The following CSMD1 variants were observed in gnomAD, a reference collection of about 807,000 sequenced individuals.
CSMD1 encodes CUB and sushi domain-containing protein 1.
CSMD1 carries 213 observed loss-of-function variants against 417.5 expected under a neutral mutation model. The observed-to-expected ratio is 0.51, with a 90% confidence interval of 0.46 to 0.57. CSMD1 has a LOEUF of 0.57. Among genes scored for constraint, CSMD1 ranks in the 20% least tolerant of loss-of-function variants. The probability of loss-of-function intolerance (pLI) is 0.00; values close to 1 mark genes in which losing one functional copy is unlikely to be tolerated. For missense variants in CSMD1, 6,923 were observed against 4,529.7 expected (o/e 1.53, Z -15.17); for synonymous variants, 2,862 against 1,736.8 (o/e 1.65, Z -16.11).
chr8:4,157,025 G>A (rs1424723603), intron 3 of CSMD1, among the ~76,000 whole-genome samples: 1 of 152,142 alleles, frequency 6.6e-6, no homozygotes, highest in Non-Finnish European at 1.5e-5. Context: ...CAGGCATTGA[G>A]GGGCATGTTA....
chr8:3,971,473 C>A (rs940980642), intron 5 of CSMD1, among the ~76,000 whole-genome samples: 1 of 152,070 alleles, frequency 6.6e-6, no homozygotes, highest in Non-Finnish European at 1.5e-5. Flanking sequence ...TGCAAGTTGA[C>A]AACTTTAAAA....
chr8:3,315,457 TGTG>T (rs1156642811), intron 23 of CSMD1, among the ~76,000 whole-genome samples: 20 of 151,900 alleles, frequency 1.3e-4, no homozygotes, highest in African/African-American at 4.8e-4. Context: ...TGTGTGTGTG[TGTG>T]TGATTTTTAA....
At chr8:4,480,054 G>A (rs546253283) in intron 2 of CSMD1, among the ~76,000 whole-genome samples, 4 of 151,880 alleles carry the variant, frequency 2.6e-5, no homozygotes, top group Non-Finnish European at 4.4e-5. Context: ...GGAGAATGTG[G>A]TCGTGAGTTC....
At chr8:2,941,716 A>G (rs1270516812) in intron 69 of CSMD1, among the ~76,000 whole-genome samples, 5 of 152,224 alleles carry the variant, frequency 3.3e-5, no homozygotes, top group Non-Finnish European at 7.3e-5. Context: ...CTTTTTCAAG[A>G]GATGGAACAT....
At chr8:4,045,141 C>A (rs1798084364) in intron 3 of CSMD1, among the ~76,000 whole-genome samples, 1 of 152,156 alleles carries the variant, frequency 6.6e-6, no homozygotes, top group African/African-American at 2.4e-5. Context: ...GCCCTCCCAC[C>A]TGCAGCGGCC....
intron 3 of CSMD1, among the ~76,000 whole-genome samples, chr8:4,129,930 A>G (rs929143922): frequency 6.6e-6 from 1 of 152,150 alleles, no homozygotes; most frequent in African/African-American, 2.4e-5. Flanking sequence ...TAACAATTAT[A>G]TATTTAAGTT....
intron 3 of CSMD1, among the ~76,000 whole-genome samples, chr8:4,253,559 A>C (rs556170146): frequency 6.6e-6 from 1 of 152,212 alleles, no homozygotes; most frequent in African/African-American, 2.4e-5. Flanking sequence ...CTTGGAGAAC[A>C]TTTGATCTGG....
chr8:4,133,794 G>C (rs749619394), intron 3 of CSMD1, among the ~76,000 whole-genome samples: 3 of 151,906 alleles, frequency 2.0e-5, no homozygotes, highest in Non-Finnish European at 2.9e-5. Flanking sequence ...CTTATCTATA[G>C]CCATGCCACT....
chr8:4,764,904 C>CAACAACAA (rs1554473698), intron 1 of CSMD1, among the ~76,000 whole-genome samples: 2 of 122,654 alleles, frequency 1.6e-5, no homozygotes, highest in African/African-American at 6.4e-5. Context: ...ACAACAACAA[C>CAACAACAA]AAAAAAAAAC....
chr8:3,979,256 G>C (rs1159845246), intron 5 of CSMD1, among the ~76,000 whole-genome samples: 2 of 152,280 alleles, frequency 1.3e-5, no homozygotes, highest in East Asian at 1.9e-4. Flanking sequence ...GCATCTTTTT[G>C]TTTTGGGAGC....
At chr8:4,242,336 A>C (rs562500277) in intron 3 of CSMD1, among the ~76,000 whole-genome samples, 3 of 152,166 alleles carry the variant, frequency 2.0e-5, no homozygotes, top group African/African-American at 7.2e-5. Context: ...GTAAACATGA[A>C]AATTTGCAAC....
intron 3 of CSMD1, among the ~76,000 whole-genome samples, chr8:4,418,213 A>G (rs17070221): frequency 6.6e-6 from 1 of 151,958 alleles, no homozygotes; most frequent in African/African-American, 2.4e-5. Flanking sequence ...AATACCACAA[A>G]ATCATTTTCT....
intron 2 of CSMD1, among the ~76,000 whole-genome samples, chr8:4,558,566 T>C (rs1798192197): frequency 6.6e-6 from 1 of 152,090 alleles, no homozygotes; most frequent in South Asian, 2.1e-4. Flanking sequence ...CACTAGTCCC[T>C]AATAAACAAT....
At chr8:4,528,691 G>A (rs1796642538) in intron 2 of CSMD1, among the ~76,000 whole-genome samples, 1 of 152,036 alleles carries the variant, frequency 6.6e-6, no homozygotes, top group African/African-American at 2.4e-5. Context: ...ACTCTCCAAT[G>A]TATATATTAA....
intron 23 of CSMD1, among the ~76,000 whole-genome samples, chr8:3,323,622 T>A (rs1182041470): frequency 6.6e-6 from 1 of 152,046 alleles, no homozygotes; most frequent in Non-Finnish European, 1.5e-5. Flanking sequence ...GTACTAAGAG[T>A]TTTCAAAAAC....
chr8:3,719,042 G>C (rs896183081), intron 6 of CSMD1, among the ~76,000 whole-genome samples: 5 of 152,110 alleles, frequency 3.3e-5, no homozygotes, highest in Admixed American at 1.3e-4. Context: ...TGCACTCTAC[G>C]TATTGAGATG....
intron 3 of CSMD1, among the ~76,000 whole-genome samples, chr8:4,131,048 G>C (rs1393144111): frequency 6.6e-6 from 1 of 152,124 alleles, no homozygotes; most frequent in African/African-American, 2.4e-5. Context: ...GATTGGATTT[G>C]TCCTAATCCT....
intron 52 of CSMD1, among the ~76,000 whole-genome samples, chr8:3,017,488 C>T (rs1046008423): frequency 6.6e-6 from 1 of 152,092 alleles, no homozygotes; most frequent in Non-Finnish European, 1.5e-5. Flanking sequence ...ATATATAATG[C>T]ACTAAATATA....
intron 2 of CSMD1, among the ~76,000 whole-genome samples, chr8:4,455,590 G>C (rs557747097): frequency 6.6e-6 from 1 of 151,948 alleles, no homozygotes. Flanking sequence ...TTGACAAATT[G>C]TGAATTTTTA....
Sources: allele counts gnomAD v4.1 joint callset (sites outside exome capture counted in the v4.1 genomes callset), GRCh38; gene constraint gnomAD v4.1.1; transcripts MANE v1.5; gene names NCBI Gene and HGNC (gene_info 2026-07-23, HGNC 2026-07-21).